MARCHF11: variants seen among roughly 807,000 people sequenced by gnomAD.
The protein encoded by MARCHF11 is membrane associated ring-CH-type finger 11.
MARCHF11 carries 29 observed loss-of-function variants against 37.3 expected under a neutral mutation model. That is an observed-to-expected ratio of 0.78 (90% CI 0.58 to 1.06). MARCHF11 has a LOEUF of 1.06. Ranked by LOEUF, MARCHF11 falls within the 50% of genes least tolerant of loss-of-function variation. The pLI is 0.00. For missense variants in MARCHF11, 482 were observed against 533.4 expected (o/e 0.90, Z 0.95); for synonymous variants, 233 against 228.0 (o/e 1.02, Z -0.20).
chr5:16,067,568 T>C lies in MARCHF11; in HGVS notation c.1112A>G (p.Tyr371Cys). ...CCGATTGAACAGGTGCAATAACACATAGCCACACTGAAACCTTGGTGAGGT... is the reference window on the plus strand; with the variant it reads ...CCGATTGAACAGGTGCAATAACACACAGCCACACTGAAACCTTGGTGAGGT... ...QLTSPRFQCG[Y>C]VLLHLFNRMR... The change falls in exon 4 of 4, where the codon TAT becomes TGT. Residue 371 changes from tyrosine to cysteine, a missense_variant. Tyr to Cys is a radical substitution (Grantham distance 194). Transcript: ENST00000332432. The C allele has an allele frequency of 1.2e-6, 2 of 1,613,962 alleles. No individual in the cohort carries two copies. Among genetic ancestry groups the C allele is most frequent in the African/African-American group, 1.3e-5 (1 of 75,038 alleles).
At chr5:16,158,306 A>G (rs1438618497) in intron 2 of MARCHF11, among the ~76,000 whole-genome samples, 1 of 152,000 alleles carries the variant, frequency 6.6e-6, no homozygotes, top group Non-Finnish European at 1.5e-5. Context: ...TGTATGATCC[A>G]TAGATATCTG....
Position 16,177,741 on chromosome 5 carries a change from C to T in MARCHF11, c.678G>A (p.Met226Ile). The change falls in exon 2 of 4, where the codon ATG (methionine) becomes ATA (isoleucine). Residue 226 changes from methionine to isoleucine, a missense_variant. Met to Ile is a conservative substitution (Grantham distance 10). Coordinates refer to ENST00000332432, the MANE Select transcript of MARCHF11 (RefSeq NM_001102562.3). ...CYRYHVIAIK[M>I]KQPCQWQSIS... Reference sequence around the variant, plus strand: ...AACTGCTTACCTGGCAAGGTTGTTTCATTTTAATGGCTATAACATGGTATC... The same window carrying T: ...AACTGCTTACCTGGCAAGGTTGTTTTATTTTAATGGCTATAACATGGTATC... 6.2e-7 allele frequency: 1 copy of T among 1,600,524 alleles called. No individual in the cohort carries two copies. Among genetic ancestry groups the T allele is most frequent in the Non-Finnish European group, 8.5e-7 (1 of 1,175,546 alleles).
intron 2 of MARCHF11, among the ~76,000 whole-genome samples, chr5:16,115,630 CT>C (rs5866171): frequency 0.49 from 69,606 of 143,384 alleles, 16,622 homozygotes; most frequent in African/African-American, 0.59. Context: ...AGCTTGTTTG[CT>C]TTTTTTTTTT....
intron 3 of MARCHF11, among the ~76,000 whole-genome samples, chr5:16,074,262 A>G (rs116414187): frequency 0.024 from 3,582 of 152,312 alleles, 135 homozygotes; most frequent in African/African-American, 0.082. Flanking sequence ...TGGTGCCAAG[A>G]GGAAAGTTCA....
At position 16,179,630 on chromosome 5, in the gene MARCHF11, G is replaced by A. The variant is rs1738439616; in HGVS notation, c.-55C>T. 1.8e-6 allele frequency: 2 copies of A among 1,085,666 alleles called. No homozygotes were observed. Among genetic ancestry groups the A allele is most frequent in the Non-Finnish European group, 2.2e-6 (2 of 894,290 alleles). The allele number at this position is 1,085,666 out of a possible 1,614,324, so 67.3% of individuals were successfully genotyped here. Reference sequence around the variant, plus strand: ...CCGGCTGGCGGGCCGGGCTCTGGCTGCAGGGAAAGAGAGCGCGGAGGGGGC... The same window carrying A: ...CCGGCTGGCGGGCCGGGCTCTGGCTACAGGGAAAGAGAGCGCGGAGGGGGC... On this transcript the variant is annotated 5_prime_UTR_variant, in exon 1 of 4. Coordinates refer to ENST00000332432, the MANE Select transcript of MARCHF11 (RefSeq NM_001102562.3).
At chr5:16,131,398 C>A (rs1172726775) in intron 2 of MARCHF11, among the ~76,000 whole-genome samples, 1 of 152,022 alleles carries the variant, frequency 6.6e-6, no homozygotes, top group South Asian at 2.1e-4. Flanking sequence ...CATATTCAAT[C>A]CATTTTGAAC....
chr5:16,167,521 C>T (rs1579424263), intron 2 of MARCHF11, among the ~76,000 whole-genome samples: 2 of 152,062 alleles, frequency 1.3e-5, no homozygotes, highest in African/African-American at 4.8e-5. Flanking sequence ...TGCAGCTCTC[C>T]CACATGAGGG....
chr5:16,088,347 A>C (rs1437035378), intron 3 of MARCHF11, among the ~76,000 whole-genome samples: 1 of 152,098 alleles, frequency 6.6e-6, no homozygotes, highest in Non-Finnish European at 1.5e-5. Flanking sequence ...GGTGACTCTT[A>C]TTTTTATTCA....
chr5:16,117,705 A>G (rs947619940), intron 2 of MARCHF11, among the ~76,000 whole-genome samples: 2 of 152,248 alleles, frequency 1.3e-5, no homozygotes, highest in African/African-American at 4.8e-5. Context: ...CCTGGGCAAC[A>G]TAGCAAGACC....
chr5:16,177,702 A>T (rs1560997272), intron 2 of MARCHF11, 24 bp downstream of exon 2: 2 of 1,581,346 alleles, frequency 1.3e-6, no homozygotes, highest in African/African-American at 2.7e-5. Context: ...TATTTCAGGA[A>T]AAATAAATGT....
intron 2 of MARCHF11, among the ~76,000 whole-genome samples, chr5:16,173,186 T>G (rs1157618722): frequency 6.6e-6 from 1 of 152,152 alleles, no homozygotes; most frequent in African/African-American, 2.4e-5. Flanking sequence ...CCTTCGGTGC[T>G]CCAAGCAACA....
At chr5:16,105,423 C>T (rs1737021548) in intron 2 of MARCHF11, among the ~76,000 whole-genome samples, 1 of 152,176 alleles carries the variant, frequency 6.6e-6, no homozygotes, top group African/African-American at 2.4e-5. Context: ...CTTTAGTTTT[C>T]CCATCAATAA....
chr5:16,090,178 C>T (rs1030514375), intron 3 of MARCHF11, among the ~76,000 whole-genome samples: 1 of 152,192 alleles, frequency 6.6e-6, no homozygotes, highest in African/African-American at 2.4e-5. Flanking sequence ...GCCGACTGGT[C>T]ACCATCGCGA....
At chr5:16,093,905 A>C (rs1380279984) in intron 2 of MARCHF11, among the ~76,000 whole-genome samples, 1 of 152,190 alleles carries the variant, frequency 6.6e-6, no homozygotes, top group Non-Finnish European at 1.5e-5. Flanking sequence ...ATTGTACAAA[A>C]TCTATAGTGA....
chr5:16,151,263 C>A (rs1737882185), intron 2 of MARCHF11, among the ~76,000 whole-genome samples: 2 of 151,992 alleles, frequency 1.3e-5, no homozygotes, highest in South Asian at 4.1e-4. Flanking sequence ...AGTCATTCAC[C>A]AGCGTTTATG....
intron 2 of MARCHF11, among the ~76,000 whole-genome samples, chr5:16,173,021 T>C (rs1390569252): frequency 6.6e-6 from 1 of 152,190 alleles, no homozygotes; most frequent in Non-Finnish European, 1.5e-5. Flanking sequence ...GAAGATCTGC[T>C]GCTGACAGCA....
At chr5:16,162,158 G>T (rs1387016726) in intron 2 of MARCHF11, among the ~76,000 whole-genome samples, 1 of 151,860 alleles carries the variant, frequency 6.6e-6, no homozygotes, top group Admixed American at 6.6e-5. Context: ...CTCAGGAGGA[G>T]CAAACTGACC....
chr5:16,067,342 T>A lies in MARCHF11; in HGVS notation c.*129A>T. The A allele has an allele frequency of 1.2e-6, 1 of 800,730 alleles. No individual in the cohort carries two copies. The highest frequency in any genetic ancestry group is 2.0e-5 in the South Asian group (1 of 49,198). 49.6% of individuals were successfully genotyped at this position (800,730 alleles called of 1,614,324 possible). A position where few individuals can be genotyped will look rare whatever the true frequency, so the allele number is the denominator to read the frequency against. On this transcript the variant is annotated 3_prime_UTR_variant, in exon 4 of 4. Transcript: ENST00000332432. ...GAAAAATGTATTTGCAATTCAAATG[T>A]TCATATAAAAAGCATAAATTTTAAA...
chr5:16,067,635 T>G lies in MARCHF11; in HGVS notation c.1045A>C (p.Thr349Pro). ...ACCAAGTTTCTGTTCCGCAGAGCTG[T>G]CAATGGCAACCACAAAGTCCTACTT... ...STSRTLWLPL[T>P]ALRNRNLVHP... Residue 349 changes from threonine to proline, a missense_variant, in exon 4 of 4, where the codon ACA (threonine) becomes CCA (proline). Transcript: ENST00000332432. 6.2e-7 allele frequency: 1 copy of G among 1,614,000 alleles called. No homozygotes were observed. Among genetic ancestry groups the G allele is most frequent in the Middle Eastern group, 1.6e-4 (1 of 6,062 alleles).
Sources: gnomAD v4.1 joint callset for allele counts (sites outside exome capture counted in the v4.1 genomes callset) on GRCh38, gnomAD v4.1.1 for gene constraint, MANE v1.5 for transcripts, NCBI Gene and HGNC (gene_info 2026-07-23, HGNC 2026-07-21) for gene names.